Variants in MYO16 observed in about 807,000 individuals in gnomAD.
The protein encoded by MYO16 is unconventional myosin-XVI.
MYO16 carries 94 observed loss-of-function variants against 205.3 expected under a neutral mutation model. The observed-to-expected ratio is 0.46, with a 90% CI of 0.39 to 0.54. The LOEUF is 0.54. MYO16 is among the 20% of genes least tolerant of loss of function. The pLI, the probability that MYO16 is intolerant of heterozygous loss-of-function variation, is 0.00. For synonymous variants in MYO16, 988 were observed against 954.0 expected, an observed-to-expected ratio of 1.04 and a Z score of -0.66; for missense variants, 2,315 against 2,387.5, an observed-to-expected ratio of 0.97 and a Z score of 0.63.
intron 4 of MYO16, among the ~76,000 whole-genome samples, chr13:108,760,304 C>G (rs1233107206): frequency 2.6e-5 from 4 of 152,140 alleles, no homozygotes; most frequent in African/African-American, 9.7e-5. Context: ...ATTTTATCTC[C>G]TTTGTCTTGT....
chr13:108,796,139 G>A (rs986325422), intron 6 of MYO16, among the ~76,000 whole-genome samples: 2 of 152,166 alleles, frequency 1.3e-5, no homozygotes, highest in African/African-American at 2.4e-5. Context: ...TGAGGACCAC[G>A]GCTATGACTC....
At position 108,635,443 on chromosome 13, in the gene MYO16, C is replaced by A. The variant is rs535958362; in HGVS notation, c.28+5571C>A. On this transcript the variant is annotated intron_variant, in intron 1 of 34. Coordinates refer to ENST00000457511, the MANE Select transcript of MYO16 (RefSeq NM_001198950.3). ...TTTTACTTATCAATTTCATGTAAAC[C>A]TTTATGTAAGGAAATATTAATGTTT... Among the ~76,000 whole-genome samples, 11 of 151,882 alleles carry A rather than the reference C, an allele frequency of 7.2e-5. 1 individual carries two copies. The South Asian group carries it at 2.3e-3, about 32-fold the overall frequency.
chr13:108,720,133 G>A (rs1451735536), intron 3 of MYO16, among the ~76,000 whole-genome samples: 1 of 152,118 alleles, frequency 6.6e-6, no homozygotes, highest in Non-Finnish European at 1.5e-5. Context: ...AAGATAATCT[G>A]GAGTATAATA....
At chr13:108,632,855 T>C (rs1193676194) in intron 1 of MYO16, among the ~76,000 whole-genome samples, 1 of 152,022 alleles carries the variant, frequency 6.6e-6, no homozygotes, top group African/African-American at 2.4e-5. Flanking sequence ...AAATGAGAAA[T>C]GGAACTCAAG....
intron 20 of MYO16, among the ~76,000 whole-genome samples, chr13:108,989,061 AT>A: frequency 6.6e-6 from 1 of 152,316 alleles, no homozygotes; most frequent in African/African-American, 2.4e-5. Flanking sequence ...GCCCAAATAT[AT>A]TTTTTAAATG....
intron 27 of MYO16, among the ~76,000 whole-genome samples, chr13:109,071,062 T>G (rs9301344): frequency 0.5 from 75,942 of 151,954 alleles, 18,999 homozygotes; most frequent in Middle Eastern, 0.55. Flanking sequence ...AATACTTATA[T>G]TATATGACAT....
At chr13:108,768,580 G>A (rs926033702) in intron 4 of MYO16, among the ~76,000 whole-genome samples, 8 of 152,044 alleles carry the variant, frequency 5.3e-5, no homozygotes, top group African/African-American at 1.9e-4. Context: ...TAAGTTCAGG[G>A]CTTTTCCAAG....
At chr13:108,549,057 T>A in the MYO16 span, among the ~76,000 whole-genome samples, 30 of 152,164 alleles carry the variant, frequency 2.0e-4, no homozygotes, top group African/African-American at 6.8e-4. Flanking sequence ...GGCAGGGATT[T>A]GGAGAGAATC....
At chr13:108,953,985 G>A (rs1458383948) in intron 16 of MYO16, among the ~76,000 whole-genome samples, 2 of 152,120 alleles carry the variant, frequency 1.3e-5, no homozygotes, top group Non-Finnish European at 2.9e-5. Context: ...GTTTTGAATT[G>A]GTTCCCACCT....
At chr13:109,076,521 T>C (rs1888109048) in intron 27 of MYO16, among the ~76,000 whole-genome samples, 1 of 152,078 alleles carries the variant, frequency 6.6e-6, no homozygotes, top group Non-Finnish European at 1.5e-5. Context: ...TACTTCAGGC[T>C]CAAGGGGAAG....
chr13:108,659,214 G>GTGTA (rs1555336132), intron 1 of MYO16: 1 of 152,104 alleles, frequency 6.6e-6, no homozygotes, highest in South Asian at 2.1e-4. Flanking sequence ...GTGTGTGTGT[G>GTGTA]TATATATATA....
intron 2 of MYO16, among the ~76,000 whole-genome samples, chr13:108,684,990 T>A (rs1882616237): frequency 6.6e-6 from 1 of 151,668 alleles, no homozygotes; most frequent in Admixed American, 6.6e-5. Context: ...TAACAAATTA[T>A]TGAACCCAAG....
chr13:108,952,383 G>A (rs1443211732), intron 16 of MYO16, among the ~76,000 whole-genome samples: 1 of 152,120 alleles, frequency 6.6e-6, no homozygotes, highest in Non-Finnish European at 1.5e-5. Flanking sequence ...GACGGGGTGT[G>A]TTGGTTCGCC....
At chr13:109,031,775 T>G (rs972768680) in intron 23 of MYO16, among the ~76,000 whole-genome samples, 1 of 152,164 alleles carries the variant, frequency 6.6e-6, no homozygotes, top group African/African-American at 2.4e-5. Context: ...GATAAAAATT[T>G]GGGCAGCTCC....
At chr13:108,756,203 C>A (rs957587143) in intron 4 of MYO16, among the ~76,000 whole-genome samples, 1 of 151,904 alleles carries the variant, frequency 6.6e-6, no homozygotes, top group Admixed American at 6.6e-5. Context: ...ATTTTCTTTT[C>A]TAGACTTATT....
chr13:108,978,122 A>G (rs1884331821), intron 20 of MYO16, among the ~76,000 whole-genome samples: 2 of 151,932 alleles, frequency 1.3e-5, no homozygotes, highest in African/African-American at 2.4e-5. Flanking sequence ...TGGAATACTG[A>G]ACCTTGAGTT....
chr13:108,886,209 G>A (rs988309233), intron 13 of MYO16, among the ~76,000 whole-genome samples: 4 of 152,170 alleles, frequency 2.6e-5, no homozygotes, highest in Non-Finnish European at 4.4e-5. Flanking sequence ...GGATGGTCTC[G>A]ATCTCCTGAC....
At chr13:109,205,609 T>A (rs1255482517) in intron 34 of MYO16, among the ~76,000 whole-genome samples, 1 of 152,078 alleles carries the variant, frequency 6.6e-6, no homozygotes, top group Non-Finnish European at 1.5e-5. Context: ...CCAGTATACT[T>A]CCTTAGAATT....
chr13:108,559,322 G>A, the MYO16 span, among the ~76,000 whole-genome samples: 1 of 152,016 alleles, frequency 6.6e-6, no homozygotes, highest in Non-Finnish European at 1.5e-5. Flanking sequence ...ACAAATGCAT[G>A]GAGCAGGTTT....
Sources: allele counts gnomAD v4.1 joint callset (sites outside exome capture counted in the v4.1 genomes callset), GRCh38; gene constraint gnomAD v4.1.1; transcripts MANE v1.5; gene names NCBI Gene and HGNC (gene_info 2026-07-23, HGNC 2026-07-21).